CNNM2: variants seen among roughly 807,000 people sequenced by gnomAD.
CNNM2 encodes metal transporter CNNM2.
A neutral mutation model predicts 66.9 loss-of-function variants in CNNM2; 12 were observed. That is an observed-to-expected ratio of 0.18 (90% CI 0.11 to 0.29). The LOEUF is 0.29. Ranked by LOEUF, CNNM2 falls within the 10% of genes least tolerant of loss-of-function variation. The probability of loss-of-function intolerance (pLI) is 1.00; values close to 1 mark genes in which losing one functional copy is unlikely to be tolerated. For synonymous variants in CNNM2, 557 were observed against 501.8 expected (o/e 1.11, Z -1.47); for missense variants, 705 against 1,167.7 (o/e 0.60, Z 5.77).
chr10:103,056,375 G>A (rs538365876), intron 3 of CNNM2, among the ~76,000 whole-genome samples: 1 of 152,100 alleles, frequency 6.6e-6, no homozygotes, highest in South Asian at 2.1e-4. Flanking sequence ...GAGACGTGGG[G>A]CACCTGTGTG....
chr10:102,933,370 AT>A (rs1846127470), intron 1 of CNNM2, among the ~76,000 whole-genome samples: 1 of 152,024 alleles, frequency 6.6e-6, no homozygotes, highest in African/African-American at 2.4e-5. Context: ...TAAGTATTTT[AT>A]TTTTTGATGC....
At position 103,082,429 on chromosome 10, in the gene CNNM2, A is replaced by G. The variant is rs924030816; in HGVS notation, c.*5249A>G. ...GGATTCTCATTCCCCAGAGAGCCCC[A>G]GCCTCGCTTCTGATCATTACTCCCC... is the stretch of plus-strand genomic sequence containing the variant. On this transcript the variant is annotated 3_prime_UTR_variant, in exon 8 of 8. Transcript: ENST00000369878. 2.0e-4 allele frequency: 31 copies of G among 152,332 alleles called. No individual in the cohort carries two copies. The highest frequency in any genetic ancestry group is 7.5e-4 in the African/African-American group (31 of 41,570). The allele number at this position is 152,332 out of a possible 1,614,324, so 9.4% of individuals were successfully genotyped here. A position where few individuals can be genotyped will look rare whatever the true frequency, so the allele number is the denominator to read the frequency against.
chr10:102,965,355 C>G (rs1433882339), intron 1 of CNNM2, among the ~76,000 whole-genome samples: 5 of 152,106 alleles, frequency 3.3e-5, no homozygotes, highest in Admixed American at 3.3e-4. Flanking sequence ...GCTTATAGTT[C>G]CTAAAATCAC....
At chr10:103,023,016 C>T (rs995508161) in intron 1 of CNNM2, among the ~76,000 whole-genome samples, 2 of 152,134 alleles carry the variant, frequency 1.3e-5, no homozygotes, top group African/African-American at 4.8e-5. Context: ...GATTCTCCTA[C>T]CTCAGCCTCT....
At position 102,969,658 on chromosome 10, in the gene CNNM2, C is replaced by T. The variant is rs2065977; in HGVS notation, c.1621+49557C>T. On this transcript the variant is annotated intron_variant, in intron 1 of 7. Coordinates refer to ENST00000369878, the MANE Select transcript of CNNM2 (RefSeq NM_017649.5). ...TGTGGTTCACTGTTTTGTTTGTTTT[C>T]TTGAGGCGGAGTTTTGCTCTTTGTT... Among the ~76,000 whole-genome samples, 62,000 of 151,834 alleles carry T rather than the reference C, an allele frequency of 0.41. 12,867 individuals carry two copies. Among genetic ancestry groups the T allele is most frequent in the East Asian group, 0.56 (2,887 of 5,140 alleles).
chr10:102,929,432 G>C (rs1345624659), intron 1 of CNNM2, among the ~76,000 whole-genome samples: 1 of 146,498 alleles, frequency 6.8e-6, no homozygotes, highest in Admixed American at 6.8e-5. Flanking sequence ...GACAGAGCAA[G>C]AGCATGTCTT....
chr10:102,995,572 T>C (rs2063982098), intron 1 of CNNM2, among the ~76,000 whole-genome samples: 1 of 151,780 alleles, frequency 6.6e-6, no homozygotes, highest in African/African-American at 2.4e-5. Context: ...ATATGTAGAG[T>C]TTTTGGGGGA....
chr10:102,931,873 C>T (rs1270243702), intron 1 of CNNM2, among the ~76,000 whole-genome samples: 3 of 151,038 alleles, frequency 2.0e-5, no homozygotes, highest in Non-Finnish European at 2.9e-5. Context: ...AAAAGAATGC[C>T]ATCCTAGTGA....
At chr10:103,030,105 A>C (rs1336304814) in intron 1 of CNNM2, among the ~76,000 whole-genome samples, 1 of 152,168 alleles carries the variant, frequency 6.6e-6, no homozygotes, top group Non-Finnish European at 1.5e-5. Flanking sequence ...ACAGTGAAAT[A>C]GCATATCTAG....
chr10:102,937,679 G>C (rs906292555), intron 1 of CNNM2, among the ~76,000 whole-genome samples: 23 of 152,078 alleles, frequency 1.5e-4, no homozygotes, highest in African/African-American at 5.6e-4. Flanking sequence ...CTTTGATCAA[G>C]ACAAGATCAA....
intron 1 of CNNM2, among the ~76,000 whole-genome samples, chr10:102,928,248 G>T (rs1305748681): frequency 6.6e-6 from 1 of 152,120 alleles, no homozygotes; most frequent in Non-Finnish European, 1.5e-5. Flanking sequence ...ATCTTAGTCT[G>T]TTTGTGCTGC....
rs10624810 is a variant in CNNM2, at chr10:102,925,296, C to CAAAAAAAAAAAAAAA, written c.1621+5211_1621+5225dup. On this transcript the variant is annotated intron_variant, in intron 1 of 7. Transcript: ENST00000369878. ...GGGCAACAAGAGCGAAACTCCATCT[C>CAAAAAAAAAAAAAAA]AAAAAAAAAAAAAAAAAAAAAAAAA... is the stretch of plus-strand genomic sequence containing the variant. 4.5e-4 allele frequency among the ~76,000 whole-genome samples: 8 copies of CAAAAAAAAAAAAAAA among 17,762 alleles called. 1 individual carries two copies. Among genetic ancestry groups the CAAAAAAAAAAAAAAA allele is most frequent in the East Asian group, 3.6e-3 (2 of 552 alleles). The allele number at this position is 17,762 out of a possible 152,430, so 11.7% of individuals were successfully genotyped here. A position where few individuals can be genotyped will look rare whatever the true frequency, so the allele number is the denominator to read the frequency against.
In CNNM2 at chr10:102,920,119, CT is replaced by C; in HGVS notation, c.1621+21del. ...TAAGAAAGGTGGGAAATTTTGGTCT[CT>C]TTCATTGGCTTGCTCTTTCTCTCTC... On this transcript the variant is annotated intron_variant, in intron 1 of 7. Transcript: ENST00000369878. 6.2e-7 allele frequency: 1 copy of C among 1,614,160 alleles called. No individual in the cohort carries two copies. The highest frequency in any genetic ancestry group is 1.3e-5 in the African/African-American group (1 of 75,026).
At chr10:102,969,600 A>G (rs927223706) in intron 1 of CNNM2, among the ~76,000 whole-genome samples, 1 of 152,072 alleles carries the variant, frequency 6.6e-6, no homozygotes, top group Admixed American at 6.6e-5. Flanking sequence ...GCTATTTCAG[A>G]AAACACTACT....
Position 102,967,767 on chromosome 10 carries a change from G to T in CNNM2, c.1621+47666G>T, listed in dbSNP as rs12258949. Among the ~76,000 whole-genome samples the T allele has an allele frequency of 0.11, 16,527 of 152,256 alleles. 907 individuals carry two copies. Among genetic ancestry groups the T allele is most frequent in the Middle Eastern group, 0.18 (52 of 294 alleles). ...CTCATGCCTGTAATCCCAGCACTTT[G>T]GGGGGCCGAGGCGGGCGGATCACCT... On this transcript the variant is annotated intron_variant, in intron 1 of 7. Coordinates refer to ENST00000369878, the MANE Select transcript of CNNM2 (RefSeq NM_017649.5).
At chr10:103,061,222 G>A (rs1022735061) in intron 4 of CNNM2, among the ~76,000 whole-genome samples, 3 of 151,968 alleles carry the variant, frequency 2.0e-5, no homozygotes, top group South Asian at 4.2e-4. Flanking sequence ...GTGAAACCCC[G>A]TCTCTACTAA....
intron 1 of CNNM2, among the ~76,000 whole-genome samples, chr10:102,964,024 A>G (rs2063423437): frequency 6.6e-6 from 1 of 152,242 alleles, no homozygotes; most frequent in Non-Finnish European, 1.5e-5. Context: ...ATGAGAAATT[A>G]AGAGGCAAAT....
At chr10:102,986,864 A>G in intron 1 of CNNM2, among the ~76,000 whole-genome samples, 1 of 152,104 alleles carries the variant, frequency 6.6e-6, no homozygotes, top group Admixed American at 6.6e-5. Flanking sequence ...TGGATAAGCA[A>G]TAATAGGGAT....
chr10:102,987,736 T>C (rs1229464493), intron 1 of CNNM2, among the ~76,000 whole-genome samples: 1 of 152,174 alleles, frequency 6.6e-6, no homozygotes, highest in Non-Finnish European at 1.5e-5. Flanking sequence ...TAGTCAAAAA[T>C]GGTTTGCAAC....
Sources: gnomAD v4.1 joint callset for allele counts (sites outside exome capture counted in the v4.1 genomes callset) on GRCh38, gnomAD v4.1.1 for gene constraint, MANE v1.5 for transcripts, NCBI Gene and HGNC (gene_info 2026-07-23, HGNC 2026-07-21) for gene names.